The following ANKRD36 variants were observed in gnomAD, a reference collection of about 807,000 sequenced individuals.
ANKRD36 encodes ankyrin repeat domain-containing protein 36A.
A neutral mutation model predicts 278.1 loss-of-function variants in ANKRD36; 179 were observed. That is an observed-to-expected ratio of 0.64 (90% CI 0.57 to 0.73). ANKRD36 has a LOEUF of 0.73. Ranked by LOEUF, ANKRD36 falls within the 30% of genes least tolerant of loss-of-function variation. ANKRD36 has a pLI of 0.00. For missense variants in ANKRD36, 1,159 were observed against 1,956.7 expected, an observed-to-expected ratio of 0.59 and a Z score of 7.69; for synonymous variants, 320 against 641.1, an observed-to-expected ratio of 0.50 and a Z score of 7.57.
At chr2:97,220,326 C>A (rs1487435058) in intron 66 of ANKRD36, among the ~76,000 whole-genome samples, 1,535 of 145,692 alleles carry the variant, frequency 0.011, 7 homozygotes, top group African/African-American at 0.038. Context: ...TAAAATGCTA[C>A]ATTTTATTCA....
chr2:97,158,534 C>G (rs375979275), intron 16 of ANKRD36, 54 bp from the exon 17 acceptor site: 3 of 1,522,956 alleles, frequency 2.0e-6, no homozygotes, highest in African/African-American at 2.8e-5. Context: ...GTTCTTATTT[C>G]TTGATTCTTA....
At chr2:97,202,700 G>T (rs1447524614) in intron 48 of ANKRD36, among the ~76,000 whole-genome samples, 2 of 151,766 alleles carry the variant, frequency 1.3e-5, no homozygotes, top group Non-Finnish European at 2.9e-5. Flanking sequence ...TTTCAGTAAG[G>T]GTGGAAGGAG....
intron 23 of ANKRD36, 45 bp downstream of exon 23, chr2:97,179,811 C>T: frequency 6.3e-7 from 1 of 1,598,768 alleles, no homozygotes; most frequent in Non-Finnish European, 8.5e-7. Context: ...ACTGTATAGT[C>T]TATGAAACCT....
intron 4 of ANKRD36, among the ~76,000 whole-genome samples, chr2:97,123,283 TATG>T (rs1194914349): frequency 4.9e-5 from 7 of 143,026 alleles, no homozygotes; most frequent in African/African-American, 1.7e-4. Flanking sequence ...TTATTTGTAA[TATG>T]ATGTGGTGTT....
At chr2:97,156,801 C>T (rs1266496167) in intron 15 of ANKRD36, among the ~76,000 whole-genome samples, 9 of 147,242 alleles carry the variant, frequency 6.1e-5, no homozygotes, top group Non-Finnish European at 1.2e-4. Context: ...GCCACACTGA[C>T]TTCCACAATG....
At chr2:97,172,857 G>GTGTGTGTGTGTT (rs1233952119) in intron 22 of ANKRD36, among the ~76,000 whole-genome samples, 16,366 of 129,736 alleles carry the variant, frequency 0.13, 2 homozygotes, top group East Asian at 0.22. Flanking sequence ...GTGTGTGTGT[G>GTGTGTGTGTGTT]TATGTGTGTG....
At chr2:97,120,789 A>G (rs1480308266) in intron 3 of ANKRD36, among the ~76,000 whole-genome samples, 1 of 152,144 alleles carries the variant, frequency 6.6e-6, no homozygotes, top group Non-Finnish European at 1.5e-5. Flanking sequence ...AATACAAGGT[A>G]TATAGTCCAA....
In ANKRD36 at chr2:97,207,806, T is replaced by C; in HGVS notation, c.3164-5T>C. 1.3e-6 allele frequency: 2 copies of C among 1,546,246 alleles called. No homozygotes were observed. Among genetic ancestry groups the C allele is most frequent in the South Asian group, 2.4e-5 (2 of 83,780 alleles). On this transcript the variant is annotated splice_polypyrimidine_tract_variant and splice_region_variant and intron_variant, in intron 52 of 75. Coordinates refer to ENST00000420699, the MANE Select transcript of ANKRD36 (RefSeq NM_001354587.1). ...GAGTGATTATGAATCCCTTTTACTT[T>C]TCAGTGTCTTCTGAGAAACCATCAG...
intron 52 of ANKRD36, among the ~76,000 whole-genome samples, chr2:97,206,781 C>T (rs1029786052): frequency 3.3e-5 from 5 of 151,484 alleles, no homozygotes; most frequent in Non-Finnish European, 7.4e-5. Context: ...CACACTGACT[C>T]ATTACTCCCC....
chr2:97,225,002 A>C lies in ANKRD36; in HGVS notation c.3951+123A>C, dbSNP rs975694410. ...TTTAGTATCAGTTGATTATAATTTA[A>C]TATTTCATTTTAAAAACATTTAACT... is the stretch of plus-strand genomic sequence containing the variant. On this transcript the variant is annotated intron_variant, in intron 67 of 75. Coordinates refer to ENST00000420699, the MANE Select transcript of ANKRD36 (RefSeq NM_001354587.1). 3.3e-6 allele frequency: 3 copies of C among 913,256 alleles called. No individual in the cohort carries two copies. The African/African-American group carries it at 5.7e-5, about 17-fold the overall frequency. 56.6% of individuals were successfully genotyped at this position (913,256 alleles called of 1,614,324 possible). A position where few individuals can be genotyped will look rare whatever the true frequency, so the allele number is the denominator to read the frequency against.
At chr2:97,225,312 T>G (rs919967613) in intron 67 of ANKRD36, among the ~76,000 whole-genome samples, 1 of 152,106 alleles carries the variant, frequency 6.6e-6, no homozygotes, top group Admixed American at 6.5e-5. Flanking sequence ...ATACCAAGGT[T>G]AAAAATTTAT....
intron 68 of ANKRD36, among the ~76,000 whole-genome samples, 193 bp from the exon 69 acceptor site, chr2:97,241,056 TCTTGGTTCTTCACTATA>T (rs1284883143): frequency 2.9e-4 from 41 of 142,318 alleles, no homozygotes; most frequent in Admixed American, 2.0e-3. Flanking sequence ...CACCTTTTTA[TCTTGGTTCTTCACTATA>T]CTTTAAGCTA....
intron 67 of ANKRD36, among the ~76,000 whole-genome samples, chr2:97,226,725 C>G (rs1306549413): frequency 7.9e-5 from 12 of 151,714 alleles, no homozygotes; most frequent in African/African-American, 2.4e-4. Flanking sequence ...AATGGTAATG[C>G]CTAGGTTTTC....
intron 6 of ANKRD36, among the ~76,000 whole-genome samples, chr2:97,140,149 C>G (rs994865369): frequency 1.3e-5 from 2 of 151,486 alleles, no homozygotes. Context: ...CTTCTTGGAT[C>G]TAGTAAGGAT....
At chr2:97,233,558 T>C (rs1270203335) in intron 67 of ANKRD36, among the ~76,000 whole-genome samples, 172 bp from the exon 68 acceptor site, 26 of 152,204 alleles carry the variant, frequency 1.7e-4, no homozygotes, top group Non-Finnish European at 2.6e-4. Context: ...CCATAGACCA[T>C]GTGGTCTTCT....
At chr2:97,211,306 T>C (rs1009375014) in intron 56 of ANKRD36, among the ~76,000 whole-genome samples, 16 of 151,912 alleles carry the variant, frequency 1.1e-4, no homozygotes, top group Non-Finnish European at 4.4e-5. Context: ...TTTATTTTAG[T>C]TTTCGACATA....
chr2:97,129,823 G>T (rs1236772429), intron 6 of ANKRD36, among the ~76,000 whole-genome samples: 1 of 151,900 alleles, frequency 6.6e-6, no homozygotes, highest in Admixed American at 6.6e-5. Context: ...CTGTTCCATT[G>T]GTCTGTATCT....
intron 62 of ANKRD36, 70 bp from the exon 63 acceptor site, chr2:97,217,107 A>G (rs200926808): frequency 9.1e-4 from 1,398 of 1,541,658 alleles, no homozygotes; most frequent in African/African-American, 1.3e-3. Context: ...TGATGCTAAC[A>G]CTGCATGAAT....
intron 58 of ANKRD36, chr2:97,213,096 G>A: frequency 2.3e-6 from 1 of 427,604 alleles, no homozygotes; most frequent in Non-Finnish European, 4.1e-6. Context: ...ATTCTCAATT[G>A]TATGAGTTGC....
Sources: allele counts gnomAD v4.1 joint callset (sites outside exome capture counted in the v4.1 genomes callset), GRCh38; gene constraint gnomAD v4.1.1; transcripts MANE v1.5; gene names NCBI Gene and HGNC (gene_info 2026-07-23, HGNC 2026-07-21).